The following RBM39 variants were observed in gnomAD, a reference collection of about 807,000 sequenced individuals.
RBM39 encodes RNA binding motif protein 39, also known as RNA-binding protein 39.
RBM39 carries 12 observed loss-of-function variants against 79.6 expected under a neutral mutation model. The observed-to-expected ratio is 0.15, with a 90% CI of 0.10 to 0.24. RBM39 has a LOEUF of 0.24. RBM39 is among the 10% of genes least tolerant of loss of function. The probability of loss-of-function intolerance (pLI) is 1.00; values close to 1 mark genes in which losing one functional copy is unlikely to be tolerated. For missense variants in RBM39, 243 were observed against 653.4 expected, an observed-to-expected ratio of 0.37 and a Z score of 6.85; for synonymous variants, 185 against 208.4, an observed-to-expected ratio of 0.89 and a Z score of 0.97.
chr20:35,707,962 A>G (rs1568988284), intron 13 of RBM39: 1 of 451,590 alleles, frequency 2.2e-6, no homozygotes, highest in Non-Finnish European at 4.5e-6. Context: ...ATCTGACCAA[A>G]TTTCATTCCA....
intron 12 of RBM39, among the ~76,000 whole-genome samples, chr20:35,709,599 C>T (rs1371612941): frequency 6.6e-6 from 1 of 152,092 alleles, no homozygotes; most frequent in African/African-American, 2.4e-5. Context: ...GAGTGAAAAA[C>T]CCTGATCTTG....
rs1027527911 is a variant in RBM39 at position 35,740,729 on chromosome 20, G to A, written c.51+95C>T. The A allele has an allele frequency of 3.7e-6, 5 of 1,366,094 alleles. No homozygotes were observed. In the African/African-American group the frequency reaches 4.4e-5, roughly 12 times the overall value. 84.6% of individuals were successfully genotyped at this position (1,366,094 alleles called of 1,614,324 possible). On this transcript the variant is annotated intron_variant, in intron 2 of 16. Transcript: ENST00000253363. ...GCATCTCTGATAAGATAAATCAAGAGGGCTCCGGGGAGGTTAGTTTACATT... is the reference window on the plus strand; with the variant it reads ...GCATCTCTGATAAGATAAATCAAGAAGGCTCCGGGGAGGTTAGTTTACATT...
chr20:35,726,192 C>T (rs6060583), intron 6 of RBM39, among the ~76,000 whole-genome samples: 15,910 of 151,750 alleles, frequency 0.1, 861 homozygotes, highest in South Asian at 0.14. Context: ...AGTGCAGTGG[C>T]GCAATCTCGG....
chr20:35,707,276 AC>A, intron 13 of RBM39, 75 bp from the exon 14 acceptor site: 1 of 968,370 alleles, frequency 1.0e-6, no homozygotes, highest in Non-Finnish European at 1.5e-6. Flanking sequence ...TTAAAACGAA[AC>A]CAAAAACCCA....
chr20:35,731,927 C>G lies in RBM39; in HGVS notation c.296+14G>C, dbSNP rs926638787. ...AATAACCCTCAAACCAAAATCATAA[C>G]TATAGTTACATACTAAGGACTTCTG... On this transcript the variant is annotated intron_variant, in intron 4 of 16. Coordinates refer to ENST00000253363, the MANE Select transcript of RBM39 (RefSeq NM_184234.3). 6.2e-7 allele frequency: 1 copy of G among 1,612,150 alleles called. No homozygotes were observed. Among genetic ancestry groups the G allele is most frequent in the African/African-American group, 1.3e-5 (1 of 74,738 alleles).
chr20:35,738,589 G>A (rs776748982), intron 3 of RBM39, among the ~76,000 whole-genome samples: 2 of 152,138 alleles, frequency 1.3e-5, no homozygotes, highest in Non-Finnish European at 2.9e-5. Flanking sequence ...TACTTTCCAT[G>A]GCCTAGTTAT....
intron 3 of RBM39, among the ~76,000 whole-genome samples, chr20:35,738,338 G>A (rs542873256): frequency 5.3e-5 from 8 of 152,182 alleles, no homozygotes; most frequent in African/African-American, 1.7e-4. Context: ...ACTGTTTTCT[G>A]TACTAGTCTA....
chr20:35,718,483 C>G (rs954061324), intron 9 of RBM39, among the ~76,000 whole-genome samples: 1 of 152,010 alleles, frequency 6.6e-6, no homozygotes. Context: ...CGAGACCAGC[C>G]TGGGCACCAC....
In RBM39 at chr20:35,716,255, C is replaced by T. The variant is rs141035873; in HGVS notation, c.891+485G>A. Among the ~76,000 whole-genome samples, 1,151 of 152,048 alleles carry T rather than the reference C, an allele frequency of 7.6e-3. 8 individuals carry two copies. The highest frequency in any genetic ancestry group is 0.038 in the East Asian group (195 of 5,162). ...TGCTTGGCTAATTTTTGTATTTTTACTAGAGACGGGGTTTCGCCATGTTGG... is the reference window on the plus strand; with the variant it reads ...TGCTTGGCTAATTTTTGTATTTTTATTAGAGACGGGGTTTCGCCATGTTGG... On this transcript the variant is annotated intron_variant, in intron 10 of 16. Coordinates refer to ENST00000253363, the MANE Select transcript of RBM39 (RefSeq NM_184234.3).
chr20:35,735,887 A>G (rs559638005), intron 3 of RBM39, among the ~76,000 whole-genome samples: 1 of 152,316 alleles, frequency 6.6e-6, no homozygotes, highest in East Asian at 1.9e-4. Context: ...ACATTAGACA[A>G]AGGCCACCGA....
At chr20:35,709,001 CA>C (rs73622029) in intron 13 of RBM39, 14,067 of 347,464 alleles carry the variant, frequency 0.04, 21 homozygotes, top group East Asian at 0.087. Context: ...CAAACTAAAG[CA>C]AAAAAAAAAA....
intron 3 of RBM39, among the ~76,000 whole-genome samples, chr20:35,733,796 A>G (rs2039629402): frequency 4.6e-5 from 7 of 152,166 alleles, no homozygotes; most frequent in Admixed American, 4.6e-4. Context: ...CTTGACCTTC[A>G]CAGACCTTTT....
intron 3 of RBM39, chr20:35,735,040 C>T: frequency 6.3e-7 from 1 of 1,589,704 alleles, no homozygotes. Context: ...TGGATTTGAC[C>T]TCTTCCATGT....
intron 10 of RBM39, among the ~76,000 whole-genome samples, chr20:35,716,235 G>C (rs1044110968): frequency 6.6e-6 from 1 of 151,956 alleles, no homozygotes; most frequent in African/African-American, 2.4e-5. Flanking sequence ...CACCATGCTT[G>C]GCTAATTTTT....
intron 11 of RBM39, 40 bp downstream of exon 11, chr20:35,714,145 T>C (rs746299246): frequency 2.0e-5 from 32 of 1,584,982 alleles, no homozygotes; most frequent in African/African-American, 2.7e-5. Flanking sequence ...TCCACTACAA[T>C]ACCCACAGTA....
At chr20:35,727,435 C>G (rs1237298325) in intron 6 of RBM39, among the ~76,000 whole-genome samples, 1 of 151,220 alleles carries the variant, frequency 6.6e-6, no homozygotes, top group Non-Finnish European at 1.5e-5. Context: ...ATGCTACCAC[C>G]TGACAAAATA....
intron 13 of RBM39, chr20:35,707,616 G>C (rs937136755): frequency 5.4e-6 from 1 of 184,938 alleles, no homozygotes; most frequent in South Asian, 8.3e-5. Context: ...CTATTTCTTC[G>C]CTTTCTGCCC....
At chr20:35,721,230 C>T (rs2037897258) in intron 9 of RBM39, among the ~76,000 whole-genome samples, 1 of 152,210 alleles carries the variant, frequency 6.6e-6, no homozygotes, top group South Asian at 2.1e-4. Flanking sequence ...CCACCGCACC[C>T]GGCCAACAGA....
At chr20:35,722,476 T>TTTTTTTTG (rs1452130285) in intron 8 of RBM39, among the ~76,000 whole-genome samples, 2 of 146,886 alleles carry the variant, frequency 1.4e-5, no homozygotes, top group Non-Finnish European at 3.0e-5. Context: ...TTTTTTTTTT[T>TTTTTTTTG]GAGACAGTCT....
Sources: allele counts gnomAD v4.1 joint callset (sites outside exome capture counted in the v4.1 genomes callset), GRCh38; gene constraint gnomAD v4.1.1; transcripts MANE v1.5; gene names NCBI Gene and HGNC (gene_info 2026-07-23, HGNC 2026-07-21).